Variants in AIFM2 observed in about 807,000 individuals in gnomAD.
The protein encoded by AIFM2 is ferroptosis suppressor protein 1.
AIFM2 carries 38 observed loss-of-function variants against 35.7 expected under a neutral mutation model. The ratio of observed to expected loss-of-function variants is 1.06; its 90% CI spans 0.82 to 1.39. The LOEUF is 1.39. AIFM2 is among the 40% of genes most tolerant of loss of function. AIFM2 has a pLI of 0.00. For missense variants in AIFM2, 476 were observed against 491.2 expected, an observed-to-expected ratio of 0.97 and a Z score of 0.29; for synonymous variants, 185 against 203.5, an observed-to-expected ratio of 0.91 and a Z score of 0.77.
At chr10:70,130,555 T>C (rs2072617169) in intron 1 of AIFM2, among the ~76,000 whole-genome samples, 1 of 152,226 alleles carries the variant, frequency 6.6e-6, no homozygotes, top group African/African-American at 2.4e-5. Context: ...CCACATTTTG[T>C]TTATCCACTC....
chr10:70,126,794 C>T (rs2072571477), intron 1 of AIFM2, among the ~76,000 whole-genome samples: 1 of 152,298 alleles, frequency 6.6e-6, no homozygotes, highest in South Asian at 2.1e-4. Context: ...AGGGCACTGA[C>T]ACAATGGATT....
In AIFM2 at chr10:70,115,038, A is replaced by G; in HGVS notation, c.852T>C (p.Gly284=). 1 of 1,614,206 alleles carries G rather than the reference A, an allele frequency of 6.2e-7. No homozygotes were observed. The highest frequency in any genetic ancestry group is 8.5e-7 in the Non-Finnish European group (1 of 1,180,026). ...TGGGCGTCCTCACGTCGGCACAGTC[A>G]CCAATGGCGTAGACGTTGCTGTGGC... ...VEGHSNVYAI[G]DCADVRTPKM... Residue 284 remains glycine (G), a synonymous_variant, in exon 8 of 9, where the codon GGT becomes GGC. Coordinates refer to ENST00000307864, the MANE Select transcript of AIFM2 (RefSeq NM_032797.6).
Position 70,117,827 on chromosome 10 carries a change from C to A in AIFM2, c.601G>T (p.Val201Leu), listed in dbSNP as rs777129679. The A allele has an allele frequency of 5.0e-6, 8 of 1,605,092 alleles. No individual in the cohort carries two copies. The highest frequency in any genetic ancestry group is 6.8e-6 in the Non-Finnish European group (8 of 1,176,558). ...EVKEILLRKG[V>L]QLLLSERVSN... is the part of the protein sequence containing the mutation. ...GTGCACGTACTCAGCAGCAGCTGCA[C>A]GCCCTTCCGGAGGAGGATCTCCTTC... is the stretch of plus-strand genomic sequence containing the variant. The change falls in exon 6 of 9, where the codon GTG (valine) becomes TTG (leucine). Residue 201 changes from valine (V) to leucine (L), a missense_variant. Transcript: ENST00000307864. The surrounding 1 kb of genome is among the most constrained non-coding windows in gnomAD (Gnocchi z 4.7).
At chr10:70,118,820 C>T (rs72807048) in intron 5 of AIFM2, among the ~76,000 whole-genome samples, 3,839 of 152,148 alleles carry the variant, frequency 0.025, 68 homozygotes, top group Non-Finnish European at 0.039. Context: ...TTTGTAATGT[C>T]CTGAGTGATG....
chr10:70,120,314 T>C (rs1360295337), intron 5 of AIFM2, among the ~76,000 whole-genome samples, 193 bp downstream of exon 5: 4 of 152,186 alleles, frequency 2.6e-5, no homozygotes, highest in Non-Finnish European at 5.9e-5. Flanking sequence ...TAAGGTCAGG[T>C]GCAGCAGGAT....
rs1378565589 is a variant in AIFM2 at position 70,117,664 on chromosome 10, C to T, written c.616+148G>A. On this transcript the variant is annotated intron_variant, in intron 6 of 8. Coordinates refer to ENST00000307864, the MANE Select transcript of AIFM2 (RefSeq NM_032797.6). This position sits in a 1 kb window ranked among gnomAD's most constrained non-coding sequence, Gnocchi z 4.7. ...TTTGATGTTCACGGCCTCTTCTGAG[C>T]GCTTCATGCTCCACCCCAGGACACA... 5.7e-5 allele frequency: 33 copies of T among 578,246 alleles called. No homozygotes were observed. The South Asian group carries it at 5.8e-4, about 10-fold the overall frequency. The allele number at this position is 578,246 out of a possible 1,614,324, so 35.8% of individuals were successfully genotyped here.
At chr10:70,122,458 A>T (rs1286482014) in intron 3 of AIFM2, among the ~76,000 whole-genome samples, 1 of 152,142 alleles carries the variant, frequency 6.6e-6, no homozygotes, top group African/African-American at 2.4e-5. Flanking sequence ...TCAAACACCA[A>T]ATGGGGCTGG....
At position 70,123,389 on chromosome 10, in the gene AIFM2, G is replaced by A. The variant is rs372773209; in HGVS notation, c.294+16C>T. ...GGCCCTTGAGCCAGCTGGCAGCCGG[G>A]CTGGCCCTCACTCACCTCGCCACCC... On this transcript the variant is annotated intron_variant, in intron 3 of 8. Transcript: ENST00000307864. 4.3e-6 allele frequency: 7 copies of A among 1,609,504 alleles called. No homozygotes were observed. The highest frequency in any genetic ancestry group is 3.3e-5 in the Admixed American group (2 of 59,942).
At chr10:70,128,615 G>A (rs763374189) in intron 1 of AIFM2, among the ~76,000 whole-genome samples, 5 of 152,286 alleles carry the variant, frequency 3.3e-5, no homozygotes, top group African/African-American at 7.2e-5. Context: ...GGCCTGCCTC[G>A]ACCTCCCAAA....
Position 70,114,336 on chromosome 10 carries a change from G to A in AIFM2, c.971-7C>T, listed in dbSNP as rs1245434247. Reference sequence around the variant, plus strand: ...AGGAGGAACGTCAGTGCACCTGCAAGCAGAGACACAGAAACAACCAGAACC... The same window carrying A: ...AGGAGGAACGTCAGTGCACCTGCAAACAGAGACACAGAAACAACCAGAACC... On this transcript the variant is annotated splice_region_variant and splice_polypyrimidine_tract_variant and intron_variant, in intron 8 of 8. Coordinates refer to ENST00000307864, the MANE Select transcript of AIFM2 (RefSeq NM_032797.6). 6 of 1,613,902 alleles carry A rather than the reference G, an allele frequency of 3.7e-6. No homozygotes were observed. In the Admixed American group the frequency reaches 8.3e-5, roughly 22 times the overall value.
chr10:70,123,922 C>A lies in AIFM2; in HGVS notation c.163G>T (p.Ala55Ser). The change falls in exon 2 of 9, where the codon GCC becomes TCC. Residue 55 changes from alanine (A) to serine (S), a missense_variant. Transcript: ENST00000307864. ...SFHHNVAALR[A>S]SVETGFAKKT... ...AGCACATTACCTGTCTCCACGGAGG[C>A]TCGGAGAGCAGCCACATTGTGGTGG... 6.3e-7 allele frequency: 1 copy of A among 1,592,014 alleles called. No homozygotes were observed. Among genetic ancestry groups the A allele is most frequent in the East Asian group, 2.3e-5 (1 of 44,172 alleles).
intron 4 of AIFM2, 99 bp downstream of exon 4, chr10:70,120,992 CT>C: frequency 6.6e-7 from 1 of 1,513,498 alleles, no homozygotes; most frequent in Non-Finnish European, 8.8e-7. Flanking sequence ...CAGCCAGCAG[CT>C]CTGAGTAACC....
At chr10:70,125,526 G>A (rs1456484487) in intron 1 of AIFM2, among the ~76,000 whole-genome samples, 1 of 151,498 alleles carries the variant, frequency 6.6e-6, no homozygotes, top group Non-Finnish European at 1.5e-5. Flanking sequence ...GCCGAGGTGG[G>A]AGGATCACTT....
At position 70,114,290 on chromosome 10, in the gene AIFM2, C is replaced by T; in HGVS notation, c.1010G>A (p.Gly337Asp). Residue 337 changes from glycine to aspartate, a missense_variant, in exon 9 of 9, where the codon GGT becomes GAT. Physicochemically the swap from Gly to Asp is moderately conservative, Grantham distance 94. Coordinates refer to ENST00000307864, the MANE Select transcript of AIFM2 (RefSeq NM_032797.6). ...TFLLSMGRNDGVGQISGFYVG... is the reference protein window; with the variant it reads ...TFLLSMGRNDDVGQISGFYVG... ...ATAGAAGCCACTGATTTGGCCCACA[C>T]CGTCATTTCTCCCCATGGACAGGAG... 1 of 1,613,944 alleles carries T rather than the reference C, an allele frequency of 6.2e-7. No homozygotes were observed. The highest frequency in any genetic ancestry group is 8.5e-7 in the Non-Finnish European group (1 of 1,180,012).
At chr10:70,124,624 G>A (rs1259588857) in intron 1 of AIFM2, among the ~76,000 whole-genome samples, 1 of 152,208 alleles carries the variant, frequency 6.6e-6, no homozygotes, top group Non-Finnish European at 1.5e-5. Flanking sequence ...TATAAGGGCA[G>A]ACCTTACAAA....
intron 8 of AIFM2, 102 bp downstream of exon 8, chr10:70,114,818 A>G (rs1019016219): frequency 2.2e-6 from 3 of 1,355,652 alleles, no homozygotes; most frequent in African/African-American, 2.9e-5. Context: ...ACCAGCTTGG[A>G]GAGTTTGTTC....
chr10:70,116,897 AC>A (rs2072443446), intron 6 of AIFM2, 123 bp from the exon 7 acceptor site: 1 of 1,198,792 alleles, frequency 8.3e-7, no homozygotes, highest in Admixed American at 1.9e-5. Context: ...CAATGGCTGC[AC>A]CCTGTCTTCC....
chr10:70,117,721 G>A lies in AIFM2; in HGVS notation c.616+91C>T. ...AAGAGAGAGCCTGGGGTGGACCATA[G>A]CCACCCTCCTGCTGGAAGCAGTCAC... On this transcript the variant is annotated intron_variant, in intron 6 of 8. Coordinates refer to ENST00000307864, the MANE Select transcript of AIFM2 (RefSeq NM_032797.6). The surrounding 1 kb of genome is among the most constrained non-coding windows in gnomAD (Gnocchi z 4.7). 9.4e-7 allele frequency: 1 copy of A among 1,061,328 alleles called. No individual in the cohort carries two copies. The highest frequency in any genetic ancestry group is 1.4e-6 in the Non-Finnish European group (1 of 733,902). The allele number at this position is 1,061,328 out of a possible 1,614,324, so 65.7% of individuals were successfully genotyped here.
chr10:70,120,474 C>T, intron 5 of AIFM2, 33 bp downstream of exon 5: 1 of 1,611,902 alleles, frequency 6.2e-7, no homozygotes, highest in Non-Finnish European at 8.5e-7. Flanking sequence ...AAGCCAACCA[C>T]TTAGAGCTCC....
Sources: gnomAD v4.1 joint callset for allele counts (sites outside exome capture counted in the v4.1 genomes callset) on GRCh38, gnomAD v4.1.1 for gene constraint, Gnocchi (gnomAD v3.1) non-coding constraint, MANE v1.5 for transcripts, NCBI Gene and HGNC (gene_info 2026-07-23, HGNC 2026-07-21) for gene names.